Variants in FAF1 observed in about 807,000 individuals in gnomAD.
FAF1 encodes Fas associated factor 1, also known as FAS-associated factor 1.
A neutral mutation model predicts 92.5 loss-of-function variants in FAF1; 25 were observed. The ratio of observed to expected loss-of-function variants is 0.27; its 90% CI spans 0.20 to 0.38. The LOEUF (loss-of-function observed/expected upper bound fraction) is 0.38, where lower values mean the gene tolerates loss of function less well. Ranked by LOEUF, FAF1 falls within the 10% of genes least tolerant of loss-of-function variation. FAF1 has a pLI of 1.00. For missense variants in FAF1, 636 were observed against 793.3 expected, an observed-to-expected ratio of 0.80 and a Z score of 2.38; for synonymous variants, 234 against 273.2, an observed-to-expected ratio of 0.86 and a Z score of 1.42.
intron 7 of FAF1, among the ~76,000 whole-genome samples, chr1:50,661,713 A>C (rs1388249735): frequency 6.6e-6 from 1 of 152,200 alleles, no homozygotes; most frequent in African/African-American, 2.4e-5. Context: ...TTTAAATCAA[A>C]ATAAGGCATA....
intron 8 of FAF1, among the ~76,000 whole-genome samples, chr1:50,621,387 T>C (rs1327583462): frequency 6.9e-6 from 1 of 145,146 alleles, no homozygotes; most frequent in African/African-American, 2.7e-5. Context: ...ATCTTTCTTT[T>C]TTTCTTTTTT....
chr1:50,821,457 T>G (rs1338428183), intron 2 of FAF1, among the ~76,000 whole-genome samples: 1 of 152,208 alleles, frequency 6.6e-6, no homozygotes, highest in Non-Finnish European at 1.5e-5. Context: ...ATACCATTCT[T>G]ATTTCCCATG....
chr1:50,836,992 C>CTG (rs1644212171), intron 2 of FAF1, among the ~76,000 whole-genome samples: 1 of 112,434 alleles, frequency 8.9e-6, no homozygotes, highest in African/African-American at 3.5e-5. Flanking sequence ...GAGTCTTGCT[C>CTG]TGTCGCCCAG....
chr1:50,837,106 C>T (rs1254996730), intron 2 of FAF1, among the ~76,000 whole-genome samples: 3 of 151,580 alleles, frequency 2.0e-5, no homozygotes, highest in Admixed American at 6.6e-5. Context: ...TACAGGCACC[C>T]GCCACCATGC....
At chr1:50,486,692 C>T (rs187702168) in intron 17 of FAF1, among the ~76,000 whole-genome samples, 10 of 152,266 alleles carry the variant, frequency 6.6e-5, no homozygotes, top group African/African-American at 2.4e-4. Flanking sequence ...TTGCATTAGA[C>T]AGTAAGCTCC....
intron 7 of FAF1, among the ~76,000 whole-genome samples, chr1:50,658,865 T>G (rs1655246437): frequency 6.6e-6 from 1 of 152,144 alleles, no homozygotes; most frequent in South Asian, 2.1e-4. Flanking sequence ...CAATTTAGTG[T>G]TTTTCAAAAA....
intron 1 of FAF1, among the ~76,000 whole-genome samples, chr1:50,898,850 G>A (rs1017807187): frequency 5.3e-5 from 8 of 152,136 alleles, no homozygotes; most frequent in African/African-American, 1.9e-4. Context: ...TGTTCCCTGT[G>A]TTTGGGGTTC....
intron 8 of FAF1, among the ~76,000 whole-genome samples, chr1:50,628,356 C>A (rs561484107): frequency 6.6e-6 from 1 of 152,274 alleles, no homozygotes; most frequent in South Asian, 2.1e-4. Flanking sequence ...CTACACACAG[C>A]TATCTGATTT....
At chr1:50,744,908 T>C in intron 4 of FAF1, 133 bp from the exon 5 acceptor site, 1 of 485,980 alleles carries the variant, frequency 2.1e-6, no homozygotes, top group Non-Finnish European at 3.6e-6. Flanking sequence ...TATTTCTGTA[T>C]CTATAAAATG....
intron 18 of FAF1, among the ~76,000 whole-genome samples, chr1:50,463,220 T>C (rs1440056550): frequency 6.6e-6 from 1 of 152,220 alleles, no homozygotes; most frequent in Non-Finnish European, 1.5e-5. Context: ...ACATTTCACA[T>C]GTGTTGTCTC....
chr1:50,618,899 C>T (rs1569594822), intron 8 of FAF1, among the ~76,000 whole-genome samples: 1 of 151,742 alleles, frequency 6.6e-6, no homozygotes, highest in African/African-American at 2.4e-5. Context: ...CAGGCGTGCA[C>T]CACCATACCA....
In FAF1 at chr1:50,807,064, A is replaced by G. The variant is rs180981540; in HGVS notation, c.115-5387T>C. Among the ~76,000 whole-genome samples, 234 of 152,318 alleles carry G rather than the reference A, an allele frequency of 1.5e-3. 1 individual carries two copies. The highest frequency in any genetic ancestry group is 5.5e-3 in the African/African-American group (227 of 41,580). ...AGACTGAATGGCTGAAACGAAAGAA[A>G]CAGAATTGAAAGTATAAATAGAAAC... On this transcript the variant is annotated intron_variant, in intron 2 of 18. Coordinates refer to ENST00000396153, the MANE Select transcript of FAF1 (RefSeq NM_007051.3).
At chr1:50,649,164 T>G (rs1349846847) in intron 8 of FAF1, among the ~76,000 whole-genome samples, 1 of 151,972 alleles carries the variant, frequency 6.6e-6, no homozygotes, top group African/African-American at 2.4e-5. Context: ...ATTTTAATTT[T>G]TTTTTTTTTA....
At chr1:50,885,326 T>TCA (rs1644651657) in intron 1 of FAF1, among the ~76,000 whole-genome samples, 1 of 131,938 alleles carries the variant, frequency 7.6e-6, no homozygotes, top group Non-Finnish European at 1.6e-5. Context: ...ACACACACAC[T>TCA]CTCTCTCTCT....
intron 18 of FAF1, among the ~76,000 whole-genome samples, chr1:50,447,346 C>T (rs549202939): frequency 5.3e-5 from 8 of 151,994 alleles, no homozygotes; most frequent in Non-Finnish European, 1.0e-4. Flanking sequence ...AGGATGGTCT[C>T]GATCTCCTGA....
intron 1 of FAF1, among the ~76,000 whole-genome samples, chr1:50,917,760 C>G (rs1170394724): frequency 6.6e-6 from 1 of 151,872 alleles, no homozygotes; most frequent in African/African-American, 2.4e-5. Flanking sequence ...CACATCAGGA[C>G]CAGCCAGGGT....
At chr1:50,653,561 G>A (rs1416798881) in intron 8 of FAF1, among the ~76,000 whole-genome samples, 1 of 152,136 alleles carries the variant, frequency 6.6e-6, no homozygotes, top group Non-Finnish European at 1.5e-5. Context: ...TGTTGGCCAG[G>A]CTGGTTTCAA....
intron 1 of FAF1, among the ~76,000 whole-genome samples, chr1:50,876,651 T>G (rs1237668000): frequency 2.0e-5 from 3 of 152,172 alleles, no homozygotes; most frequent in African/African-American, 7.2e-5. Flanking sequence ...AGTGGCGCAA[T>G]CTCAGCTCAC....
chr1:50,592,978 A>C lies in FAF1; in HGVS notation c.840+3143T>G, dbSNP rs146177041. 4.4e-3 allele frequency among the ~76,000 whole-genome samples: 663 copies of C among 152,154 alleles called. 2 individuals carry two copies. The highest frequency in any genetic ancestry group is 5.9e-3 in the Non-Finnish European group (404 of 67,974). ...GAAAGAAAGATGATTGTCTTAAAAC[A>C]CACAAAGTCATGTAGGAGTAGAACC... On this transcript the variant is annotated intron_variant, in intron 9 of 18. Coordinates refer to ENST00000396153, the MANE Select transcript of FAF1 (RefSeq NM_007051.3).
Sources: allele counts gnomAD v4.1 joint callset (sites outside exome capture counted in the v4.1 genomes callset), GRCh38; gene constraint gnomAD v4.1.1; transcripts MANE v1.5; gene names NCBI Gene and HGNC (gene_info 2026-07-23, HGNC 2026-07-21).